Variants in MIB1 observed in about 807,000 individuals in gnomAD.
MIB1 encodes the protein E3 ubiquitin-protein ligase MIB1.
A neutral mutation model predicts 124.5 loss-of-function variants in MIB1; 278 were observed. The ratio of observed to expected loss-of-function variants is 2.23; its 90% CI spans 2.02 to 2.47. MIB1 has a LOEUF of 2.47. MIB1 is among the 30% of genes most tolerant of loss of function. The probability of loss-of-function intolerance (pLI) is 0.00; values close to 1 mark genes in which losing one functional copy is unlikely to be tolerated. For missense variants in MIB1, 957 were observed against 1,254.4 expected (o/e 0.76, Z 3.58); for synonymous variants, 446 against 429.4 (o/e 1.04, Z -0.48).
chr18:21,853,635 A>G (rs2042200385), intron 18 of MIB1, among the ~76,000 whole-genome samples: 1 of 152,102 alleles, frequency 6.6e-6, no homozygotes, highest in South Asian at 2.1e-4. Context: ...AACAGCAACC[A>G]TTTCTGGGGC....
At chr18:21,756,493 C>T (rs1598594317) in intron 1 of MIB1, among the ~76,000 whole-genome samples, 2 of 151,866 alleles carry the variant, frequency 1.3e-5, no homozygotes, top group East Asian at 3.9e-4. Context: ...GAGATGAAAT[C>T]TTGCTCTGTC....
intron 13 of MIB1, among the ~76,000 whole-genome samples, chr18:21,840,842 A>G (rs1180595738): frequency 3.3e-5 from 5 of 151,868 alleles, no homozygotes; most frequent in Non-Finnish European, 7.4e-5. Flanking sequence ...AAAATAAAAC[A>G]AAAAACAAAC....
chr18:21,826,855 CTGTT>C (rs1568217203), intron 12 of MIB1: 1 of 152,096 alleles, frequency 6.6e-6, no homozygotes. Flanking sequence ...TATTCTGCGT[CTGTT>C]GGTTGGTAAG....
chr18:21,719,352 C>T (rs1281577756), intron 1 of MIB1, among the ~76,000 whole-genome samples: 2 of 149,740 alleles, frequency 1.3e-5, no homozygotes, highest in East Asian at 3.9e-4. Context: ...AAAAAAGGAC[C>T]ATATGAAATC....
chr18:21,857,264 A>G (rs1323312914), intron 19 of MIB1, 21 bp downstream of exon 19: 2 of 1,570,100 alleles, frequency 1.3e-6, no homozygotes, highest in Non-Finnish European at 1.8e-6. Flanking sequence ...TGTCTTAAGC[A>G]TTTTCATATT....
chr18:21,786,118 A>G (rs2041432170), intron 6 of MIB1, among the ~76,000 whole-genome samples: 1 of 150,356 alleles, frequency 6.7e-6, no homozygotes, highest in Non-Finnish European at 1.5e-5. Flanking sequence ...TTTTTTTGAG[A>G]CAGAGTCTCT....
At chr18:21,750,422 G>T (rs1268228725) in intron 1 of MIB1, among the ~76,000 whole-genome samples, 1 of 152,192 alleles carries the variant, frequency 6.6e-6, no homozygotes, top group African/African-American at 2.4e-5. Flanking sequence ...CCGCCTCTCG[G>T]GTTCATGCCA....
chr18:21,792,373 T>C (rs146823993), intron 7 of MIB1, among the ~76,000 whole-genome samples: 1 of 152,064 alleles, frequency 6.6e-6, no homozygotes, highest in African/African-American at 2.4e-5. Flanking sequence ...TCTACTGTAA[T>C]TGTTCGGTCT....
At chr18:21,751,220 A>C (rs2040971469) in intron 1 of MIB1, among the ~76,000 whole-genome samples, 1 of 152,144 alleles carries the variant, frequency 6.6e-6, no homozygotes, top group Non-Finnish European at 1.5e-5. Flanking sequence ...GGGAAAAAAA[A>C]AGAAAAGAAA....
intron 6 of MIB1, among the ~76,000 whole-genome samples, chr18:21,789,209 A>G (rs542511681): frequency 7.2e-5 from 11 of 152,018 alleles, no homozygotes; most frequent in African/African-American, 2.7e-4. Context: ...GGTGGTTCCC[A>G]GCAATCTTTG....
chr18:21,793,781 C>CAAAAAAAAAAAAAAAAAAAAA (rs67786932), intron 7 of MIB1: 1 of 29,542 alleles, frequency 3.4e-5, no homozygotes, highest in Non-Finnish European at 7.0e-5. Context: ...GACCCTGTCT[C>CAAAAAAAAAAAAAAAAAAAAA]AAAAAAAAAA....
chr18:21,773,925 G>T (rs1353129809), intron 4 of MIB1, among the ~76,000 whole-genome samples, 197 bp downstream of exon 4: 1 of 152,102 alleles, frequency 6.6e-6, no homozygotes, highest in African/African-American at 2.4e-5. Flanking sequence ...TATATTGGTG[G>T]TGTAGAGGTG....
At chr18:21,759,207 A>G (rs907118846) in intron 1 of MIB1, among the ~76,000 whole-genome samples, 18 of 151,152 alleles carry the variant, frequency 1.2e-4, no homozygotes, top group African/African-American at 3.9e-4. Context: ...TGTATTCTAT[A>G]CATATGTGTG....
At chr18:21,818,821 G>A (rs2041853605) in intron 11 of MIB1, among the ~76,000 whole-genome samples, 3 of 152,230 alleles carry the variant, frequency 2.0e-5, no homozygotes, top group South Asian at 2.1e-4. Context: ...TGTAATCCCA[G>A]TTACTTGGGA....
At chr18:21,851,436 C>T (rs1258147706) in intron 17 of MIB1, among the ~76,000 whole-genome samples, 1 of 151,944 alleles carries the variant, frequency 6.6e-6, no homozygotes, top group African/African-American at 2.4e-5. Context: ...AATTTATAAT[C>T]TATAGAAAAG....
intron 18 of MIB1, among the ~76,000 whole-genome samples, chr18:21,855,582 C>T (rs1394977503): frequency 6.6e-6 from 1 of 152,218 alleles, no homozygotes; most frequent in African/African-American, 2.4e-5. Flanking sequence ...CTACCTAGTG[C>T]ACTTGTATAA....
At chr18:21,787,482 T>C (rs1190383810) in intron 6 of MIB1, among the ~76,000 whole-genome samples, 1 of 152,140 alleles carries the variant, frequency 6.6e-6, no homozygotes, top group Non-Finnish European at 1.5e-5. Context: ...AGGCTTCCTG[T>C]GGATTGAGGC....
intron 17 of MIB1, among the ~76,000 whole-genome samples, chr18:21,849,794 T>G (rs2042166492): frequency 6.6e-6 from 1 of 152,204 alleles, no homozygotes; most frequent in Non-Finnish European, 1.5e-5. Context: ...TGTTGCACTT[T>G]TTTTGGAGTA....
At chr18:21,733,249 G>T (rs1568178503) in intron 1 of MIB1, among the ~76,000 whole-genome samples, 1 of 152,172 alleles carries the variant, frequency 6.6e-6, no homozygotes, top group Non-Finnish European at 1.5e-5. Flanking sequence ...GAGTTTGCTT[G>T]ATTTTAATTT....
Sources: gnomAD v4.1 joint callset for allele counts (sites outside exome capture counted in the v4.1 genomes callset) on GRCh38, gnomAD v4.1.1 for gene constraint, MANE v1.5 for transcripts, NCBI Gene and HGNC (gene_info 2026-07-23, HGNC 2026-07-21) for gene names.